ABCA12: variants seen among roughly 807,000 people sequenced by gnomAD.
ABCA12 encodes ATP binding cassette subfamily A member 12, also known as glucosylceramide transporter ABCA12.
In ABCA12, 156 loss-of-function variants were observed where a neutral mutation model predicts 293.5. That is an observed-to-expected ratio of 0.53 (90% CI 0.47 to 0.61). ABCA12 has a LOEUF of 0.61. Among genes scored for constraint, ABCA12 ranks in the 20% least tolerant of loss-of-function variants. ABCA12 has a pLI of 0.00. For missense variants in ABCA12, 2,797 were observed against 3,090.2 expected, an observed-to-expected ratio of 0.91 and a Z score of 2.25; for synonymous variants, 1,063 against 1,108.0, an observed-to-expected ratio of 0.96 and a Z score of 0.81.
At chr2:215,065,530 A>T (rs12472053) in intron 2 of ABCA12, among the ~76,000 whole-genome samples, 27,742 of 151,812 alleles carry the variant, frequency 0.18, 2,734 homozygotes, top group East Asian at 0.37. Context: ...AAGGGAAAAT[A>T]TGAAAGCTTG....
chr2:214,951,713 C>T (rs543802377), intron 44 of ABCA12, among the ~76,000 whole-genome samples: 6 of 152,248 alleles, frequency 3.9e-5, no homozygotes, highest in Admixed American at 2.0e-4. Flanking sequence ...GCCAAGATCA[C>T]GCTACTGCAC....
rs1367534724 is a variant in ABCA12, at chr2:214,990,716, A to G, written c.3610T>C (p.Leu1204=). 1.2e-6 allele frequency: 2 copies of G among 1,613,972 alleles called. No homozygotes were observed. The highest frequency in any genetic ancestry group is 2.7e-5 in the African/African-American group (2 of 74,934). The change falls in exon 24 of 53, where the codon TTG becomes CTG. Residue 1204 remains leucine (L), a synonymous_variant. Coordinates refer to ENST00000272895, the MANE Select transcript of ABCA12 (RefSeq NM_173076.3). ...VTVENELSYV[L]KVFMSLLSPT... ...GGTTGACTTACCATGAACACTTTCA[A>G]TACATAGCTCAACTCATTCTCCACT...
In ABCA12 at chr2:215,071,245, TAAAATAAAA is replaced by T. The variant is rs1171909294; in HGVS notation, c.164-7035_164-7027del. Among the ~76,000 whole-genome samples the T allele has an allele frequency of 4.8e-4, 59 of 121,738 alleles. 2 individuals carry two copies. The highest frequency in any genetic ancestry group is 7.9e-3 in the Middle Eastern group (2 of 252). The allele number at this position is 121,738 out of a possible 152,430, so 79.9% of individuals were successfully genotyped here. A position where few individuals can be genotyped will look rare whatever the true frequency, so the allele number is the denominator to read the frequency against. On this transcript the variant is annotated intron_variant, in intron 2 of 52. Transcript: ENST00000272895. ...TAAAATAAAATAAAATAAAATAAAA[TAAAATAAAA>T]TAAAAAATAAATCTTCATGGTTTTG...
chr2:215,026,409 A>G (rs562925315), intron 10 of ABCA12, among the ~76,000 whole-genome samples: 1 of 152,348 alleles, frequency 6.6e-6, no homozygotes, highest in South Asian at 2.1e-4. Flanking sequence ...GCCTTTGTTT[A>G]TGTAATTTAC....
At chr2:214,950,802 G>A (rs1698741715) in intron 45 of ABCA12, 77 bp downstream of exon 45, 2 of 1,493,176 alleles carry the variant, frequency 1.3e-6, no homozygotes, top group Admixed American at 3.4e-5. Flanking sequence ...ACTGTACCTG[G>A]CCAATAATTA....
Position 214,968,788 on chromosome 2 carries a change from C to T in ABCA12, c.5710G>A (p.Gly1904Arg). The change falls in exon 38 of 53, where the codon GGG (glycine) becomes AGG (arginine). Residue 1904 changes from glycine (G) to arginine (R), a missense_variant. Around this residue, in one of 3 missense-constraint regions of ABCA12, gnomAD observed 2,130 missense variants for 2,427.0 expected, o/e 0.88. Transcript: ENST00000272895. ...CGAAGGTCTTTTGTCAAAGGCAGCCCAAAACTCCAACCTCCATATCTACAG... is the reference window on the plus strand; with the variant it reads ...CGAAGGTCTTTTGTCAAAGGCAGCCTAAAACTCCAACCTCCATATCTACAG... The part of the protein sequence containing the change: ...VQKRYGGWSF[G>R]LPLTKDLRFD... 6.2e-7 allele frequency: 1 copy of T among 1,613,114 alleles called. No individual in the cohort carries two copies. The highest frequency in any genetic ancestry group is 8.5e-7 in the Non-Finnish European group (1 of 1,179,290).
intron 2 of ABCA12, among the ~76,000 whole-genome samples, chr2:215,087,673 G>T (rs1702069614): frequency 6.6e-6 from 1 of 152,154 alleles, no homozygotes; most frequent in Admixed American, 6.5e-5. Context: ...ATACAACTTG[G>T]TGGCAGACAG....
chr2:214,965,248 A>C (rs1431568125), intron 39 of ABCA12, among the ~76,000 whole-genome samples: 1 of 152,236 alleles, frequency 6.6e-6, no homozygotes, highest in Non-Finnish European at 1.5e-5. Flanking sequence ...TAAAGCCTTA[A>C]ATGTAAAACC....
At chr2:215,013,720 T>C (rs1700426094) in intron 15 of ABCA12, 1 of 153,848 alleles carries the variant, frequency 6.5e-6, no homozygotes, top group Admixed American at 6.5e-5. Flanking sequence ...TAATTTCATG[T>C]CATATGCATT....
rs537867650 is a variant in ABCA12, at chr2:214,992,868, A to AAAATAAAT, written c.3295-1845_3295-1838dup. Among the ~76,000 whole-genome samples, 8 of 151,950 alleles carry AAAATAAAT rather than the reference A, an allele frequency of 5.3e-5. No individual in the cohort carries two copies. In the South Asian group the frequency reaches 1.2e-3, roughly 24 times the overall value. ...AGAGACAAGAGTGAAATTCTGTCTC[A>AAAATAAAT]AAATAAATAAATAAATAAATAAATA... On this transcript the variant is annotated intron_variant, in intron 23 of 52. Coordinates refer to ENST00000272895, the MANE Select transcript of ABCA12 (RefSeq NM_173076.3).
At chr2:214,952,231 T>G (rs1197711606) in intron 44 of ABCA12, among the ~76,000 whole-genome samples, 1 of 150,954 alleles carries the variant, frequency 6.6e-6, no homozygotes, top group East Asian at 1.9e-4. Flanking sequence ...TGTTTTTTTT[T>G]TTTTTTTGAG....
Position 215,019,790 on chromosome 2 carries a change from G to A in ABCA12, c.1294C>T (p.Gln432Ter). Residue 432 changes from glutamine (Q) to a stop codon, truncating the protein, a stop_gained, in exon 12 of 53, where the codon CAA becomes TAA. Coordinates refer to ENST00000272895, the MANE Select transcript of ABCA12 (RefSeq NM_173076.3). LOFTEE classifies it high-confidence loss of function. ...AGAAGTTCGGTCAAGTTTCGAAGTT[G>A]AGACAGCTTTCCAAAAAGGGAAAAG... is the stretch of plus-strand genomic sequence containing the variant. ...VPEVLKSKLS[Q>*]LRNLTELLCE... 6.2e-7 allele frequency: 1 copy of A among 1,611,480 alleles called. No homozygotes were observed. Among genetic ancestry groups the A allele is most frequent in the Non-Finnish European group, 8.5e-7 (1 of 1,180,010 alleles).
At chr2:214,977,854 T>C (rs1213967012) in intron 33 of ABCA12, among the ~76,000 whole-genome samples, 1 of 151,304 alleles carries the variant, frequency 6.6e-6, no homozygotes, top group African/African-American at 2.4e-5. Flanking sequence ...GAGGGTACCA[T>C]AAAGAGCGGC....
At chr2:214,991,881 C>CG (rs1024500034) in intron 23 of ABCA12, among the ~76,000 whole-genome samples, 1 of 151,876 alleles carries the variant, frequency 6.6e-6, no homozygotes, top group African/African-American at 2.4e-5. Context: ...CAGGGCCTGT[C>CG]GGGGGATGGA....
intron 51 of ABCA12, 84 bp from the exon 52 acceptor site, chr2:214,934,299 GA>G: frequency 6.9e-7 from 1 of 1,442,476 alleles, no homozygotes; most frequent in Non-Finnish European, 9.8e-7. Flanking sequence ...AAGAGTTCAG[GA>G]AAATAACTGA....
chr2:215,045,877 A>C lies in ABCA12; in HGVS notation c.832T>G (p.Ser278Ala). The stretch of plus-strand genomic sequence containing the variant: ...AGAACATCAAATAGATTGCTTAGTG[A>C]TGTGTCATTCTGAAACACATTTGGA... ...SFPNVFQNDT[S>A]LSNLFDVLRK... The change falls in exon 7 of 53, where the codon TCA (serine) becomes GCA (alanine). Residue 278 changes from serine (S) to alanine (A), a missense_variant. Physicochemically the swap from Ser to Ala is moderately conservative, Grantham distance 99. Transcript: ENST00000272895. The C allele has an allele frequency of 6.2e-7, 1 of 1,613,684 alleles. No homozygotes were observed. Among genetic ancestry groups the C allele is most frequent in the Non-Finnish European group, 8.5e-7 (1 of 1,179,764 alleles).
chr2:214,957,472 A>C (rs1698985999), intron 41 of ABCA12, among the ~76,000 whole-genome samples: 1 of 152,188 alleles, frequency 6.6e-6, no homozygotes, highest in African/African-American at 2.4e-5. Context: ...AATTTTCTTA[A>C]CATTAAAGCT....
In ABCA12 at chr2:215,019,784, G is replaced by A. The variant is rs757520757; in HGVS notation, c.1300C>T (p.Arg434Ter). 20 of 1,611,970 alleles carry A rather than the reference G, an allele frequency of 1.2e-5. No homozygotes were observed. Among genetic ancestry groups the A allele is most frequent in the African/African-American group, 6.7e-5 (5 of 74,908 alleles). ...EVLKSKLSQL[R>*]NLTELLCESE... ...TCACAAAGAAGTTCGGTCAAGTTTC[G>A]AAGTTGAGACAGCTTTCCAAAAAGG... is the stretch of plus-strand genomic sequence containing the variant. The change falls in exon 12 of 53, where the codon CGA (arginine) becomes TGA (stop). Residue 434 changes from arginine (R) to a stop codon, truncating the protein, a stop_gained. Transcript: ENST00000272895. LOFTEE classifies it high-confidence loss of function.
intron 8 of ABCA12, chr2:215,032,292 T>C (rs911015962): frequency 4.2e-6 from 1 of 237,028 alleles, no homozygotes; most frequent in African/African-American, 2.3e-5. Flanking sequence ...GGATTTTTTT[T>C]TTTTTTTTGC....
Sources: gnomAD v4.1 joint callset for allele counts (sites outside exome capture counted in the v4.1 genomes callset) on GRCh38, gnomAD v4.1.1 for gene constraint, gnomAD v4.1.1 regional missense constraint, MANE v1.5 for transcripts, NCBI Gene and HGNC (gene_info 2026-07-23, HGNC 2026-07-21) for gene names.